The following COL11A1 variants were observed in gnomAD, a reference collection of about 807,000 sequenced individuals.
The protein encoded by COL11A1 is collagen type XI alpha 1 chain.
Under a neutral mutation model 265.2 loss-of-function variants are expected in COL11A1, and 74 were observed. The observed-to-expected ratio is 0.28, with a 90% confidence interval of 0.23 to 0.34. The LOEUF (loss-of-function observed/expected upper bound fraction) is 0.34, where lower values mean the gene tolerates loss of function less well. Ranked by LOEUF, COL11A1 falls within the 10% of genes least tolerant of loss-of-function variation. COL11A1 has a pLI of 1.00. For synonymous variants in COL11A1, 816 were observed against 727.6 expected (o/e 1.12, Z -1.96); for missense variants, 2,165 against 2,263.6 (o/e 0.96, Z 0.88).
At chr1:103,002,280 T>G in intron 23 of COL11A1, 148 bp downstream of exon 23, 1 of 841,934 alleles carries the variant, frequency 1.2e-6, no homozygotes, top group Non-Finnish European at 1.9e-6. Context: ...TCAAATTTTT[T>G]TAAAAAAAGA....
rs568999585 is a variant in COL11A1 at position 103,086,097 on chromosome 1, C to T, written c.107-3125G>A. On this transcript the variant is annotated intron_variant, in intron 1 of 66. Coordinates refer to ENST00000370096, the MANE Select transcript of COL11A1 (RefSeq NM_001854.4). ...ATATAATATGTTTATGTTATTTGGG[C>T]CAGCTAATTGATTCCTGATGTTCAT... Among the ~76,000 whole-genome samples the T allele has an allele frequency of 2.0e-4, 31 of 152,222 alleles. No homozygotes were observed. The South Asian group carries it at 6.2e-3, about 31-fold the overall frequency.
chr1:103,003,300 A>T (rs764655075), intron 20 of COL11A1, 32 bp from the exon 21 acceptor site: 12 of 519,016 alleles, frequency 2.3e-5, no homozygotes, highest in South Asian at 1.0e-4. Context: ...CGCCTTTATT[A>T]AAAAAAAAAA....
chr1:103,090,538 A>G (rs938208421), intron 1 of COL11A1, among the ~76,000 whole-genome samples: 30 of 152,204 alleles, frequency 2.0e-4, no homozygotes, highest in African/African-American at 6.5e-4. Flanking sequence ...ACTAGTTTCC[A>G]CAGTAAGAAC....
chr1:103,042,043 A>G (rs1378355134), intron 4 of COL11A1, among the ~76,000 whole-genome samples: 1 of 152,050 alleles, frequency 6.6e-6, no homozygotes, highest in African/African-American at 2.4e-5. Context: ...GATAGTAATT[A>G]TATTTCTCCT....
Position 103,015,746 on chromosome 1 carries a change from G to GA in COL11A1, c.1414-5dup. ...AGCCAGGACGTCCTGGGGGGCCCTA[G>GA]AAAAATAAATGAAATAACCAAAATA... is the stretch of plus-strand genomic sequence containing the variant. On this transcript the variant is annotated splice_polypyrimidine_tract_variant and splice_region_variant and intron_variant, in intron 11 of 66. Coordinates refer to ENST00000370096, the MANE Select transcript of COL11A1 (RefSeq NM_001854.4). 1 of 1,588,584 alleles carries GA rather than the reference G, an allele frequency of 6.3e-7. No individual in the cohort carries two copies. The highest frequency in any genetic ancestry group is 1.3e-5 in the African/African-American group (1 of 74,130).
At position 102,934,995 on chromosome 1, in the gene COL11A1, C is replaced by CA. The variant is rs538161574; in HGVS notation, c.3492+64dup. ...CCCACAAAATTGACTGGTTATGGGA[C>CA]AGTATACAAATTTAATCAGGGAGCT... On this transcript the variant is annotated intron_variant, in intron 45 of 66. Transcript: ENST00000370096. The CA allele has an allele frequency of 6.9e-4, 1,019 of 1,466,582 alleles. 15 individuals are homozygous for CA. In the South Asian group the frequency reaches 0.011, roughly 16 times the overall value. 90.8% of individuals were successfully genotyped at this position (1,466,582 alleles called of 1,614,324 possible). A position where few individuals can be genotyped will look rare whatever the true frequency, so the allele number is the denominator to read the frequency against.
At position 103,099,111 on chromosome 1, in the gene COL11A1, G is replaced by T. The variant is rs544134811; in HGVS notation, c.106+8962C>A. Among the ~76,000 whole-genome samples, 6 of 151,814 alleles carry T rather than the reference G, an allele frequency of 4.0e-5. No individual in the cohort carries two copies. In the South Asian group the frequency reaches 1.0e-3, roughly 26 times the overall value. On this transcript the variant is annotated intron_variant, in intron 1 of 66. Coordinates refer to ENST00000370096, the MANE Select transcript of COL11A1 (RefSeq NM_001854.4). The stretch of plus-strand genomic sequence containing the variant: ...CTACTATGTGGTGGATTCTGTTCTA[G>T]ATGCTTTCTGTTCTAGATGGATTCT...
chr1:102,961,833 G>A, intron 41 of COL11A1, 33 bp downstream of exon 41: 1 of 1,595,408 alleles, frequency 6.3e-7, no homozygotes, highest in Non-Finnish European at 8.6e-7. Context: ...TCACAACCAT[G>A]ATTGTCTGGC....
intron 4 of COL11A1, among the ~76,000 whole-genome samples, chr1:103,052,952 A>G (rs1477074916): frequency 6.6e-6 from 1 of 152,246 alleles, no homozygotes; most frequent in African/African-American, 2.4e-5. Flanking sequence ...ATGCAAATGT[A>G]AGATGATTTC....
intron 61 of COL11A1, 27 bp downstream of exon 61, chr1:102,888,696 T>A (rs770918141): frequency 6.2e-7 from 1 of 1,613,874 alleles, no homozygotes; most frequent in East Asian, 2.2e-5. Flanking sequence ...AATGCAAAAT[T>A]AAATTGTCAA....
intron 54 of COL11A1, among the ~76,000 whole-genome samples, chr1:102,906,610 A>G (rs942869106): frequency 3.3e-5 from 5 of 151,956 alleles, no homozygotes; most frequent in Non-Finnish European, 7.4e-5. Flanking sequence ...GGGTCTCACT[A>G]TGTTGTCTCA....
At chr1:103,033,152 G>A (rs992968829) in intron 4 of COL11A1, among the ~76,000 whole-genome samples, 3 of 151,920 alleles carry the variant, frequency 2.0e-5, no homozygotes, top group Non-Finnish European at 2.9e-5. Context: ...ATTGATGCAC[G>A]TTGTACCATG....
Position 102,974,875 on chromosome 1 carries a change from T to A in COL11A1, c.2763A>T (p.Gln921His). 6.2e-7 allele frequency: 1 copy of A among 1,613,100 alleles called. No homozygotes were observed. The highest frequency in any genetic ancestry group is 8.5e-7 in the Non-Finnish European group (1 of 1,179,160). Residue 921 changes from glutamine to histidine, a missense_variant, in exon 36 of 67, where the codon CAA (glutamine) becomes CAT (histidine). Transcript: ENST00000370096. ...GGAATCCAACTGGACCCTGAGGTCC[T>A]TGAGGACCCTGGAAATAAAAAGCAG... ...PPGPPGERGP[Q>H]GPQGPVGFPG... is the part of the protein sequence containing the mutation.
chr1:102,913,710 A>G lies in COL11A1; in HGVS notation c.3979-20T>C. On this transcript the variant is annotated intron_variant, in intron 52 of 66. Transcript: ENST00000370096. The stretch of plus-strand genomic sequence containing the variant: ...TTGACCCTATAAGAGGCAATAAAAT[A>G]TGAAGCAAGATATATCTCAGTATCA... 1 of 1,608,480 alleles carries G rather than the reference A, an allele frequency of 6.2e-7. No individual in the cohort carries two copies. The highest frequency in any genetic ancestry group is 2.2e-5 in the East Asian group (1 of 44,728).
At chr1:102,893,158 C>A (rs576743669) in intron 57 of COL11A1, among the ~76,000 whole-genome samples, 62 of 152,230 alleles carry the variant, frequency 4.1e-4, no homozygotes, top group Non-Finnish European at 8.2e-4. Context: ...AAATACCTGT[C>A]AACTTTCTCA....
chr1:102,946,583 A>T (rs866952854), intron 42 of COL11A1, among the ~76,000 whole-genome samples: 33 of 151,172 alleles, frequency 2.2e-4, no homozygotes, highest in African/African-American at 3.2e-4. Flanking sequence ...TTTTTTTTTT[A>T]AAAAAAGCAA....
Position 102,920,355 on chromosome 1 carries a change from CT to C in COL11A1, c.3717del (p.Gly1240AspfsTer32), listed in dbSNP as rs2101066868. ...PQGPNGADGP[Q>X]GPPGSVGSVG... The stretch of plus-strand genomic sequence containing the variant: ...ACTGAACCAACAGACCCTGGGGGTC[CT>C]TGTGGTCCCTGCAGTGTAGAAAAAG... On this transcript the variant is annotated frameshift_variant, in exon 49 of 67. Coordinates refer to ENST00000370096, the MANE Select transcript of COL11A1 (RefSeq NM_001854.4). LOFTEE classifies it high-confidence loss of function. 1 of 1,613,060 alleles carries C rather than the reference CT, an allele frequency of 6.2e-7. No individual in the cohort carries two copies. The highest frequency in any genetic ancestry group is 8.5e-7 in the Non-Finnish European group (1 of 1,179,224).
chr1:102,957,334 T>C (rs1328225505), intron 41 of COL11A1, among the ~76,000 whole-genome samples: 1 of 152,090 alleles, frequency 6.6e-6, no homozygotes, highest in East Asian at 1.9e-4. Context: ...AGCTACATAA[T>C]TGGGACACAT....
chr1:103,012,782 C>T (rs1299573112), intron 13 of COL11A1, among the ~76,000 whole-genome samples: 1 of 152,118 alleles, frequency 6.6e-6, no homozygotes, highest in East Asian at 1.9e-4. Flanking sequence ...TCTGAATTTA[C>T]TCAAGAATAA....
Sources: gnomAD v4.1 joint callset for allele counts (sites outside exome capture counted in the v4.1 genomes callset) on GRCh38, gnomAD v4.1.1 for gene constraint, MANE v1.5 for transcripts, NCBI Gene and HGNC (gene_info 2026-07-23, HGNC 2026-07-21) for gene names.